HK2: variants seen among roughly 807,000 people sequenced by gnomAD.
The protein encoded by HK2 is hexokinase 2.
Under a neutral mutation model 92.9 loss-of-function variants are expected in HK2, and 42 were observed. The ratio of observed to expected loss-of-function variants is 0.45; its 90% CI spans 0.35 to 0.58. The LOEUF is 0.58. Ranked by LOEUF, HK2 falls within the 20% of genes least tolerant of loss-of-function variation. HK2 has a pLI of 0.00. For synonymous variants in HK2, 422 were observed against 468.0 expected, an observed-to-expected ratio of 0.90 and a Z score of 1.27; for missense variants, 978 against 1,245.1, an observed-to-expected ratio of 0.79 and a Z score of 3.23.
chr2:74,883,309 C>T (rs1480210849), intron 12 of HK2, among the ~76,000 whole-genome samples: 5 of 152,124 alleles, frequency 3.3e-5, no homozygotes, highest in African/African-American at 9.7e-5. Flanking sequence ...ATGTGGCCCT[C>T]GTGGGATGGA....
chr2:74,857,526 A>G (rs2103898196), intron 2 of HK2, among the ~76,000 whole-genome samples: 1 of 152,272 alleles, frequency 6.6e-6, no homozygotes, highest in African/African-American at 2.4e-5. Context: ...CTATAATCCC[A>G]GCTACTCAGG....
rs755935708 is a variant in HK2, at chr2:74,867,640, C to T, written c.231C>T (p.His77=). The change falls in exon 3 of 18, where the codon CAC becomes CAT. Residue 77 remains histidine, a synonymous_variant. Transcript: ENST00000290573. ...TGGCCCTTCCTTTCTCTGCAGAACA[C>T]GGAGAGTTCCTGGCTCTGGATCTTG... ...FVRSTPDGTE[H]GEFLALDLGG... is the part of the protein sequence containing the mutation. 73 of 1,613,008 alleles carry T rather than the reference C, an allele frequency of 4.5e-5. No individual in the cohort carries two copies. The highest frequency in any genetic ancestry group is 1.5e-4 in the Admixed American group (9 of 59,986).
At chr2:74,886,037 A>T (rs1187753638) in intron 13 of HK2, among the ~76,000 whole-genome samples, 1 of 152,066 alleles carries the variant, frequency 6.6e-6, no homozygotes, top group Non-Finnish European at 1.5e-5. Context: ...TTTAAAAAAA[A>T]AAAAGAAAGA....
chr2:74,834,657 G>A lies in HK2; in HGVS notation c.63+14G>A, dbSNP rs374564700. 271 of 1,613,770 alleles carry A rather than the reference G, an allele frequency of 1.7e-4. No individual in the cohort carries two copies. Among genetic ancestry groups the A allele is most frequent in the Non-Finnish European group, 2.1e-4 (243 of 1,179,784 alleles). Reference sequence around the variant, plus strand: ...CAAGTGCAGAAGGTAAGTCAGCGCGGGCGGGGCGGCAGGCTGGGCTCTGGC... The same window carrying A: ...CAAGTGCAGAAGGTAAGTCAGCGCGAGCGGGGCGGCAGGCTGGGCTCTGGC... On this transcript the variant is annotated intron_variant, in intron 1 of 17. Coordinates refer to ENST00000290573, the MANE Select transcript of HK2 (RefSeq NM_000189.5). This position sits in a 1 kb window ranked among gnomAD's most constrained non-coding sequence, Gnocchi z 4.2.
At position 74,834,379 on chromosome 2, in the gene HK2, G is replaced by T. The variant is rs1573344758; in HGVS notation, c.-202G>T. The T allele has an allele frequency of 1.6e-6, 1 of 634,104 alleles. No homozygotes were observed. The highest frequency in any genetic ancestry group is 2.8e-6 in the Non-Finnish European group (1 of 351,342). 39.3% of individuals were successfully genotyped at this position (634,104 alleles called of 1,614,324 possible). A position where few individuals can be genotyped will look rare whatever the true frequency, so the allele number is the denominator to read the frequency against. ...TGAGGCGCCTTCTAGCAGTTGTGAC[G>T]CCAAAATCACGTCTCCGGAGACCCG... On this transcript the variant is annotated 5_prime_UTR_variant, in exon 1 of 18. Coordinates refer to ENST00000290573, the MANE Select transcript of HK2 (RefSeq NM_000189.5). The surrounding 1 kb of genome is among the most constrained non-coding windows in gnomAD (Gnocchi z 4.2).
At chr2:74,880,238 T>C (rs2103986319) in intron 9 of HK2, 27 bp from the exon 10 acceptor site, 1 of 1,613,630 alleles carries the variant, frequency 6.2e-7, no homozygotes. Flanking sequence ...TGGACACCTG[T>C]CTCTTACCCG....
intron 1 of HK2, among the ~76,000 whole-genome samples, chr2:74,850,172 G>A (rs185890535): frequency 6.6e-6 from 1 of 152,226 alleles, no homozygotes; most frequent in Non-Finnish European, 1.5e-5. Context: ...GAGGAGAGGG[G>A]AAGGTGTTTG....
chr2:74,880,401 C>G lies in HK2; in HGVS notation c.1402C>G (p.Arg468Gly). 1 of 1,614,202 alleles carries G rather than the reference C, an allele frequency of 6.2e-7. No homozygotes were observed. The highest frequency in any genetic ancestry group is 8.5e-7 in the Non-Finnish European group (1 of 1,180,048). Residue 468 changes from arginine (R) to glycine (G), a missense_variant, in exon 10 of 18, where the codon CGT (arginine) becomes GGT (glycine). This residue lies in a region of HK2 where 742 missense variants were observed against 922.5 expected (regional missense o/e 0.80). Coordinates refer to ENST00000290573, the MANE Select transcript of HK2 (RefSeq NM_000189.5). ...AVAYRLADQH[R>G]ARQKTLEHLQ... ...GGCTTACCGGCTGGCCGATCAACAC[C>G]GTGCCCGCCAGAAGACATTAGAGCA...
chr2:74,837,672 C>CTTTTTTT (rs894014535), intron 1 of HK2, among the ~76,000 whole-genome samples: 23 of 104,128 alleles, frequency 2.2e-4, no homozygotes, highest in Non-Finnish European at 2.8e-4. Context: ...TTGCCCTTGT[C>CTTTTTTT]TTTTTTTTTT....
intron 1 of HK2, among the ~76,000 whole-genome samples, chr2:74,840,577 T>G (rs912963981): frequency 6.6e-6 from 1 of 151,656 alleles, no homozygotes; most frequent in African/African-American, 2.4e-5. Flanking sequence ...TTCAAAGCTG[T>G]GGGGGTTATG....
Position 74,841,956 on chromosome 2 carries a change from C to T in HK2, c.63+7313C>T, listed in dbSNP as rs989690277. ...CCACTGAGGGACAGCCTGACAGTTACTGGGAGAGGCTGTTTGATGAGCTGG... is the reference window on the plus strand; with the variant it reads ...CCACTGAGGGACAGCCTGACAGTTATTGGGAGAGGCTGTTTGATGAGCTGG... On this transcript the variant is annotated intron_variant, in intron 1 of 17. Coordinates refer to ENST00000290573, the MANE Select transcript of HK2 (RefSeq NM_000189.5). Among the ~76,000 whole-genome samples, 11 of 152,354 alleles carry T rather than the reference C, an allele frequency of 7.2e-5. No homozygotes were observed. The East Asian group carries it at 2.1e-3, about 29-fold the overall frequency.
At position 74,877,243 on chromosome 2, in the gene HK2, T is replaced by G; in HGVS notation, c.953T>G (p.Leu318Arg). Residue 318 changes from leucine (L) to arginine (R), a missense_variant, in exon 8 of 18, where the codon CTG (leucine) becomes CGG (arginine). By Grantham distance (102) the Leu-to-Arg change is moderately radical. Around this residue, in one of 3 missense-constraint regions of HK2, gnomAD observed 742 missense variants for 922.5 expected, o/e 0.80. Transcript: ENST00000290573. ...CTGGTGAAGATGGCCAAGGAGGAGC[T>G]GCTCTTTGGGGGGAAGCTCAGCCCA... ...LILVKMAKEELLFGGKLSPEL... is the reference protein window; with the variant it reads ...LILVKMAKEERLFGGKLSPEL... The G allele has an allele frequency of 6.2e-7, 1 of 1,614,138 alleles. No homozygotes were observed. The highest frequency in any genetic ancestry group is 8.5e-7 in the Non-Finnish European group (1 of 1,180,014).
intron 1 of HK2, among the ~76,000 whole-genome samples, chr2:74,838,739 C>T (rs112235680): frequency 3.9e-5 from 6 of 152,074 alleles, no homozygotes; most frequent in African/African-American, 1.2e-4. Context: ...GAGGTTTCAC[C>T]GTGTTATCCA....
intron 1 of HK2, among the ~76,000 whole-genome samples, chr2:74,842,758 CT>C (rs1439075096): frequency 6.6e-6 from 1 of 152,226 alleles, no homozygotes; most frequent in Non-Finnish European, 1.5e-5. Context: ...CTCTAAATTG[CT>C]TTTCTTCTGG....
intron 9 of HK2, 101 bp from the exon 10 acceptor site, chr2:74,880,164 C>T: frequency 7.5e-7 from 1 of 1,338,038 alleles, no homozygotes; most frequent in Non-Finnish European, 1.1e-6. Flanking sequence ...CTGCAGGTGC[C>T]TTTTGGCATT....
At position 74,878,875 on chromosome 2, in the gene HK2, C is replaced by A; in HGVS notation, c.1219C>A (p.Arg407Ser). 1.9e-6 allele frequency: 3 copies of A among 1,552,002 alleles called. No individual in the cohort carries two copies. The highest frequency in any genetic ancestry group is 2.6e-6 in the Non-Finnish European group (3 of 1,147,240). Reference sequence around the variant, plus strand: ...GGAGAACAAAGGCGAGGAGCGGCTGCGCTCTACTATTGGGGTCGACGGTTC... The same window carrying A: ...GGAGAACAAAGGCGAGGAGCGGCTGAGCTCTACTATTGGGGTCGACGGTTC... ...IKENKGEERL[R>S]STIGVDGSVY... Residue 407 changes from arginine to serine, a missense_variant, in exon 9 of 18, where the codon CGC becomes AGC. Arg to Ser is a moderately radical substitution (Grantham distance 110, BLOSUM62 -1). Coordinates refer to ENST00000290573, the MANE Select transcript of HK2 (RefSeq NM_000189.5).
intron 3 of HK2, among the ~76,000 whole-genome samples, chr2:74,869,601 C>CT (rs1290070495): frequency 6.6e-6 from 1 of 152,184 alleles, no homozygotes; most frequent in African/African-American, 2.4e-5. Flanking sequence ...ATGGCAGCCA[C>CT]TTTAAGATTT....
intron 2 of HK2, among the ~76,000 whole-genome samples, chr2:74,859,615 A>AC (rs1346127392): frequency 1.3e-5 from 2 of 152,220 alleles, no homozygotes; most frequent in Non-Finnish European, 2.9e-5. Context: ...AGCCTGGGCC[A>AC]CAGAGCGAGA....
chr2:74,860,740 G>A (rs962921467), intron 2 of HK2, among the ~76,000 whole-genome samples: 1 of 152,068 alleles, frequency 6.6e-6, no homozygotes, highest in African/African-American at 2.4e-5. Flanking sequence ...TTAGTTCCTT[G>A]TATAAACAAC....
Sources: gnomAD v4.1 joint callset for allele counts (sites outside exome capture counted in the v4.1 genomes callset) on GRCh38, gnomAD v4.1.1 for gene constraint, gnomAD v4.1.1 regional missense constraint, Gnocchi (gnomAD v3.1) non-coding constraint, MANE v1.5 for transcripts, NCBI Gene and HGNC (gene_info 2026-07-23, HGNC 2026-07-21) for gene names.